ZNF536: variants seen among roughly 807,000 people sequenced by gnomAD.
The protein encoded by ZNF536 is zinc finger protein 536.
A neutral mutation model predicts 84.5 loss-of-function variants in ZNF536; 13 were observed. The observed-to-expected ratio is 0.15, with a 90% confidence interval of 0.10 to 0.24. The LOEUF (loss-of-function observed/expected upper bound fraction) is 0.24. ZNF536 is among the 10% of genes least tolerant of loss of function. ZNF536 has a pLI of 1.00. For missense variants in ZNF536, 1,536 were observed against 1,747.5 expected (o/e 0.88, Z 2.16); for synonymous variants, 811 against 742.5 (o/e 1.09, Z -1.50).
At chr19:30,570,340 G>C (rs1022531298) in intron 1 of ZNF536, among the ~76,000 whole-genome samples, 1 of 152,200 alleles carries the variant, frequency 6.6e-6, no homozygotes, top group African/African-American at 2.4e-5. Context: ...TTCAAGTGGA[G>C]TAACCCGGCA....
chr19:30,648,295 T>C (rs2049555138), intron 1 of ZNF536, among the ~76,000 whole-genome samples: 1 of 152,198 alleles, frequency 6.6e-6, no homozygotes. Flanking sequence ...GCACTGTTCC[T>C]CTCAGCTTGA....
chr19:30,527,880 G>C (rs1443669738), intron 2 of ZNF536, among the ~76,000 whole-genome samples: 2 of 152,116 alleles, frequency 1.3e-5, no homozygotes, highest in South Asian at 2.1e-4. Context: ...TGGCATACGT[G>C]GGCAAGGACA....
At chr19:30,293,123 C>T (rs1042233328) in intron 2 of ZNF536, among the ~76,000 whole-genome samples, 4 of 152,144 alleles carry the variant, frequency 2.6e-5, no homozygotes, top group African/African-American at 9.7e-5. Context: ...AAGATCTGCT[C>T]TCCCATCTCC....
chr19:30,520,140 C>G (rs1026937803), intron 2 of ZNF536, among the ~76,000 whole-genome samples: 1 of 152,228 alleles, frequency 6.6e-6, no homozygotes, highest in Non-Finnish European at 1.5e-5. Flanking sequence ...AGAGAAATTT[C>G]TGGCCCGGTG....
At chr19:30,500,155 A>G (rs1459404085) in intron 2 of ZNF536, among the ~76,000 whole-genome samples, 2 of 152,236 alleles carry the variant, frequency 1.3e-5, no homozygotes, top group African/African-American at 4.8e-5. Context: ...TCCAACTGAC[A>G]TAGAAGGTTC....
At chr19:30,514,008 TG>T (rs1261111158) in intron 2 of ZNF536, among the ~76,000 whole-genome samples, 2 of 152,076 alleles carry the variant, frequency 1.3e-5, no homozygotes, top group East Asian at 3.9e-4. Flanking sequence ...GCTTTCTGTG[TG>T]GGGGAGCAAT....
chr19:30,681,651 C>T (rs1030699452), intron 1 of ZNF536, among the ~76,000 whole-genome samples: 3 of 152,194 alleles, frequency 2.0e-5, no homozygotes, highest in Non-Finnish European at 4.4e-5. Flanking sequence ...TCCTTTCTCT[C>T]CTATTGTCAT....
chr19:30,488,681 G>A (rs2054388928), intron 2 of ZNF536, among the ~76,000 whole-genome samples: 1 of 152,130 alleles, frequency 6.6e-6, no homozygotes, highest in African/African-American at 2.4e-5. Context: ...CAAGCCAGGG[G>A]CAGAGGGCGG....
chr19:30,230,262 G>T (rs1367653844), intron 1 of ZNF536, among the ~76,000 whole-genome samples: 5 of 152,206 alleles, frequency 3.3e-5, no homozygotes, highest in Non-Finnish European at 7.3e-5. Flanking sequence ...ATGAAAAAAG[G>T]TTAGTACCTC....
At chr19:30,556,012 G>A (rs2045952665) in intron 4 of ZNF536, 2 of 152,352 alleles carry the variant, frequency 1.3e-5, no homozygotes, top group South Asian at 2.1e-4. Context: ...AAAGACAAAT[G>A]TGCTCTCATA....
chr19:30,558,883 T>A (rs940121753), downstream of ZNF536, among the ~76,000 whole-genome samples: 1 of 152,146 alleles, frequency 6.6e-6, no homozygotes, highest in Non-Finnish European at 1.5e-5. Context: ...AAGCTCCAAG[T>A]CCGTTCTTCA....
intron 1 of ZNF536, among the ~76,000 whole-genome samples, chr19:30,377,288 A>G (rs1267650912): frequency 6.6e-6 from 1 of 152,126 alleles, no homozygotes; most frequent in Non-Finnish European, 1.5e-5. Flanking sequence ...CCGCGCTCAC[A>G]GAACTCATTG....
intron 1 of ZNF536, among the ~76,000 whole-genome samples, chr19:30,621,823 T>C (rs1417095938): frequency 6.6e-6 from 1 of 152,236 alleles, no homozygotes; most frequent in Non-Finnish European, 1.5e-5. Context: ...CAGCGTCATC[T>C]GAAACCACCT....
At chr19:30,345,811 G>A (rs1171146862) in intron 2 of ZNF536, among the ~76,000 whole-genome samples, 4 of 152,208 alleles carry the variant, frequency 2.6e-5, no homozygotes, top group African/African-American at 9.7e-5. Context: ...CCGGGGACTA[G>A]GTCGGCCTAC....
intron 1 of ZNF536, among the ~76,000 whole-genome samples, chr19:30,655,049 ACT>A (rs1055420457): frequency 3.3e-5 from 5 of 152,112 alleles, no homozygotes; most frequent in African/African-American, 1.2e-4. Context: ...ACAACGAAGC[ACT>A]CTGTTCTTAG....
At chr19:30,450,135 A>G (rs1050987945) in intron 2 of ZNF536, among the ~76,000 whole-genome samples, 2 of 148,364 alleles carry the variant, frequency 1.3e-5, no homozygotes, top group Non-Finnish European at 3.0e-5. Context: ...GGCAATGTCA[A>G]TTAGTAACTG....
At chr19:30,703,965 G>A (rs1005963660) in intron 1 of ZNF536, among the ~76,000 whole-genome samples, 3 of 152,138 alleles carry the variant, frequency 2.0e-5, no homozygotes, top group Non-Finnish European at 4.4e-5. Flanking sequence ...TACAAAAGAG[G>A]GAAGCAGTGG....
chr19:30,592,318 C>T (rs1372310406), intron 1 of ZNF536, among the ~76,000 whole-genome samples: 1 of 152,152 alleles, frequency 6.6e-6, no homozygotes, highest in Non-Finnish European at 1.5e-5. Context: ...CCCAACACCC[C>T]AGGAATGCAG....
chr19:30,609,102 T>C (rs1235043487), intron 1 of ZNF536, among the ~76,000 whole-genome samples: 1 of 152,238 alleles, frequency 6.6e-6, no homozygotes, highest in Non-Finnish European at 1.5e-5. Context: ...ATCATTGCAT[T>C]TTCTACTTTT....
Sources: allele counts gnomAD v4.1 joint callset (sites outside exome capture counted in the v4.1 genomes callset), GRCh38; gene constraint gnomAD v4.1.1; transcripts MANE v1.5; gene names NCBI Gene and HGNC (gene_info 2026-07-23, HGNC 2026-07-21).